The following PCDHGA12 variants were observed in gnomAD, a reference collection of about 807,000 sequenced individuals.
The protein encoded by PCDHGA12 is protocadherin gamma-A12.
A neutral mutation model predicts 61.1 loss-of-function variants in PCDHGA12; 43 were observed. That is an observed-to-expected ratio of 0.70 (90% CI 0.55 to 0.91). The LOEUF is 0.91. Ranked by LOEUF, PCDHGA12 falls within the 40% of genes least tolerant of loss-of-function variation. PCDHGA12 has a pLI of 0.00. For synonymous variants in PCDHGA12, 520 were observed against 542.9 expected, an observed-to-expected ratio of 0.96 and a Z score of 0.59; for missense variants, 1,236 against 1,227.7, an observed-to-expected ratio of 1.01 and a Z score of -0.10.
At chr5:141,484,061 G>A (rs570687480) in intron 1 of PCDHGA12, among the ~76,000 whole-genome samples, 8 of 152,124 alleles carry the variant, frequency 5.3e-5, no homozygotes, top group Non-Finnish European at 1.0e-4. Context: ...CTGGGGCTAA[G>A]TGAAAAGCTT....
chr5:141,511,485 C>T lies in PCDHGA12; in HGVS notation c.*312C>T, dbSNP rs1324849800. 1.8e-5 allele frequency: 8 copies of T among 453,300 alleles called. No individual in the cohort carries two copies. The highest frequency in any genetic ancestry group is 1.2e-4 in the African/African-American group (6 of 50,332). The allele number at this position is 453,300 out of a possible 1,614,324, so 28.1% of individuals were successfully genotyped here. A position where few individuals can be genotyped will look rare whatever the true frequency, so the allele number is the denominator to read the frequency against. On this transcript the variant is annotated 3_prime_UTR_variant, in exon 4 of 4. Coordinates refer to ENST00000252085, the MANE Select transcript of PCDHGA12 (RefSeq NM_003735.3). Reference sequence around the variant, plus strand: ...ACCCCGTTTAGTTACAGCTGAACTCCTCCATCTTCCAAATCAATCAGGCCC... The same window carrying T: ...ACCCCGTTTAGTTACAGCTGAACTCTTCCATCTTCCAAATCAATCAGGCCC...
At position 141,493,512 on chromosome 5, in the gene PCDHGA12, C is replaced by A. The variant is rs1327850681; in HGVS notation, c.2425-1295C>A. The stretch of plus-strand genomic sequence containing the variant: ...CTGTGGCTCCTCATTTCTGAGCAGT[C>A]CCCGCAGCGCAAACTTGGCCAGTTA... On this transcript the variant is annotated intron_variant, in intron 1 of 3. Transcript: ENST00000252085. The surrounding 1 kb of genome is among the most constrained non-coding windows in gnomAD (Gnocchi z 4.3). Among the ~76,000 whole-genome samples the A allele has an allele frequency of 1.3e-5, 2 of 152,148 alleles. No individual in the cohort carries two copies. Among genetic ancestry groups the A allele is most frequent in the South Asian group, 4.1e-4 (2 of 4,824 alleles).
chr5:141,474,551 C>G (rs1032524620), intron 1 of PCDHGA12, among the ~76,000 whole-genome samples: 35 of 152,312 alleles, frequency 2.3e-4, no homozygotes, highest in Non-Finnish European at 3.5e-4. Flanking sequence ...GCATTTAAAA[C>G]TGGGGGTTTT....
chr5:141,438,760 C>T (rs1346379482), intron 1 of PCDHGA12, among the ~76,000 whole-genome samples: 4 of 148,802 alleles, frequency 2.7e-5, no homozygotes, highest in South Asian at 2.1e-4. Context: ...CTCCTGGGTT[C>T]AAGCGATTCT....
chr5:141,433,671 A>G (rs1376085577), intron 1 of PCDHGA12, among the ~76,000 whole-genome samples: 12 of 152,058 alleles, frequency 7.9e-5, no homozygotes, highest in Admixed American at 7.2e-4. Flanking sequence ...CCCCGTCTAT[A>G]CTAAAAAAAT....
Position 141,491,507 on chromosome 5 carries a change from C to G in PCDHGA12, c.2425-3300C>G, listed in dbSNP as rs755899622. The stretch of plus-strand genomic sequence containing the variant: ...AACCTGCAGGTGAGCTCGGACGGCA[C>G]GCTCAAGTACATGGAGGTGACGCTG... On this transcript the variant is annotated intron_variant, in intron 1 of 3. Coordinates refer to ENST00000252085, the MANE Select transcript of PCDHGA12 (RefSeq NM_003735.3). This position sits in a 1 kb window ranked among gnomAD's most constrained non-coding sequence, Gnocchi z 6.9. 1.5e-5 allele frequency: 24 copies of G among 1,614,038 alleles called. No individual in the cohort carries two copies. The highest frequency in any genetic ancestry group is 2.0e-5 in the Non-Finnish European group (24 of 1,180,016).
At chr5:141,459,075 G>T (rs562572838) in intron 1 of PCDHGA12, among the ~76,000 whole-genome samples, 1 of 152,134 alleles carries the variant, frequency 6.6e-6, no homozygotes, top group Non-Finnish European at 1.5e-5. Context: ...CATAAAATTT[G>T]CCTTTTAAAA....
chr5:141,502,864 G>GGCTTTTTT (rs2099816401), intron 2 of PCDHGA12, among the ~76,000 whole-genome samples: 1 of 61,572 alleles, frequency 1.6e-5, no homozygotes, highest in Non-Finnish European at 3.0e-5. Flanking sequence ...CTGACTCTCT[G>GGCTTTTTT]TCTTTTTTTT....
At chr5:141,446,296 G>A (rs2098497546) in intron 1 of PCDHGA12, among the ~76,000 whole-genome samples, 1 of 152,160 alleles carries the variant, frequency 6.6e-6, no homozygotes, top group Non-Finnish European at 1.5e-5. Context: ...GGGGAGCAGG[G>A]ATTAAGAGTG....
In PCDHGA12 at chr5:141,491,759, G is replaced by C. The variant is rs746395685; in HGVS notation, c.2425-3048G>C. 3 of 1,575,392 alleles carry C rather than the reference G, an allele frequency of 1.9e-6. No individual in the cohort carries two copies. Among genetic ancestry groups the C allele is most frequent in the Non-Finnish European group, 2.6e-6 (3 of 1,161,808 alleles). ...GGGGGCGGCACTGGAGAAGCCGCCC[G>C]TCCTCATAAGGGATTGAACTTGCAT... On this transcript the variant is annotated intron_variant, in intron 1 of 3. Coordinates refer to ENST00000252085, the MANE Select transcript of PCDHGA12 (RefSeq NM_003735.3). The surrounding 1 kb of genome is among the most constrained non-coding windows in gnomAD (Gnocchi z 6.9).
Position 141,477,283 on chromosome 5 carries a change from C to T in PCDHGA12, c.2425-17524C>T, listed in dbSNP as rs766672047. The T allele has an allele frequency of 9.3e-6, 15 of 1,614,076 alleles. No homozygotes were observed. The highest frequency in any genetic ancestry group is 2.7e-5 in the African/African-American group (2 of 74,924). On this transcript the variant is annotated intron_variant, in intron 1 of 3. Coordinates refer to ENST00000252085, the MANE Select transcript of PCDHGA12 (RefSeq NM_003735.3). The surrounding 1 kb of genome is among the most constrained non-coding windows in gnomAD (Gnocchi z 4.9). ...CTGGCGAGAACGGGCTGGTGACCTG[C>T]GAAGTTCCACCGGGTCTCCCTTTCA... is the stretch of plus-strand genomic sequence containing the variant.
Position 141,491,466 on chromosome 5 carries a change from T to G in PCDHGA12, c.2425-3341T>G. The G allele has an allele frequency of 6.2e-7, 1 of 1,614,068 alleles. No individual in the cohort carries two copies. Among genetic ancestry groups the G allele is most frequent in the Non-Finnish European group, 8.5e-7 (1 of 1,179,986 alleles). ...AGGACTCACCCTCCCCGGACTTCTA[T>G]AAGCAGTCCAGCCCCAACCTGCAGG... On this transcript the variant is annotated intron_variant, in intron 1 of 3. Coordinates refer to ENST00000252085, the MANE Select transcript of PCDHGA12 (RefSeq NM_003735.3). This position sits in a 1 kb window ranked among gnomAD's most constrained non-coding sequence, Gnocchi z 6.9.
chr5:141,486,409 C>G lies in PCDHGA12; in HGVS notation c.2425-8398C>G, dbSNP rs1396288134. On this transcript the variant is annotated intron_variant, in intron 1 of 3. Coordinates refer to ENST00000252085, the MANE Select transcript of PCDHGA12 (RefSeq NM_003735.3). The surrounding 1 kb of genome is among the most constrained non-coding windows in gnomAD (Gnocchi z 5.0). Reference sequence around the variant, plus strand: ...AGTTCTCCCTGGTGACTGCTGGACCCTTGGATCGAGAGGCCAAATCTAGCT... The same window carrying G: ...AGTTCTCCCTGGTGACTGCTGGACCGTTGGATCGAGAGGCCAAATCTAGCT... 6.2e-7 allele frequency: 1 copy of G among 1,614,170 alleles called. No individual in the cohort carries two copies. Among genetic ancestry groups the G allele is most frequent in the East Asian group, 2.2e-5 (1 of 44,874 alleles).
Position 141,431,996 on chromosome 5 carries a change from G to A in PCDHGA12, c.1237G>A (p.Glu413Lys), listed in dbSNP as rs766891220. ...AGTCACAGACATAGTCTTGGATAGGGAACAGGTTCCTAGCTACAACATCAC... is the reference window on the plus strand; with the variant it reads ...AGTCACAGACATAGTCTTGGATAGGAAACAGGTTCCTAGCTACAACATCAC... ...SLVTDIVLDR[E>K]QVPSYNITVT... Residue 413 changes from glutamate (E) to lysine (K), a missense_variant, in exon 1 of 4, where the codon GAA becomes AAA. Glu to Lys is a moderately conservative substitution (Grantham distance 56). Transcript: ENST00000252085. The surrounding 1 kb of genome is among the most constrained non-coding windows in gnomAD (Gnocchi z 4.8). 1.9e-6 allele frequency: 3 copies of A among 1,614,192 alleles called. No homozygotes were observed. In the East Asian group the frequency reaches 6.7e-5, roughly 36 times the overall value.
chr5:141,498,725 A>AGT (rs2099785409), intron 2 of PCDHGA12, among the ~76,000 whole-genome samples: 1 of 152,150 alleles, frequency 6.6e-6, no homozygotes, highest in Non-Finnish European at 1.5e-5. Flanking sequence ...TGAGGTCAGG[A>AGT]GTTTGAGACC....
intron 1 of PCDHGA12, among the ~76,000 whole-genome samples, chr5:141,448,632 T>G (rs1383720361): frequency 1.3e-5 from 2 of 152,106 alleles, no homozygotes; most frequent in Admixed American, 1.3e-4. Context: ...TTCTTCACAT[T>G]ATATCCTTTA....
chr5:141,475,343 G>C (rs1425482944), intron 1 of PCDHGA12, among the ~76,000 whole-genome samples: 3 of 152,178 alleles, frequency 2.0e-5, no homozygotes, highest in Non-Finnish European at 2.9e-5. Context: ...ATGACATCCA[G>C]TTTTAAAAGA....
rs781580216 is a variant in PCDHGA12 at position 141,430,931 on chromosome 5, G to A, written c.172G>A (p.Glu58Lys). The part of the protein sequence containing the change: ...ISRDLGLEPR[E>K]LAERGVRIIP... The stretch of plus-strand genomic sequence containing the variant: ...CAGGGACCTGGGGCTGGAGCCCCGG[G>A]AGCTCGCGGAGCGCGGAGTCCGCAT... Residue 58 changes from glutamate to lysine, a missense_variant, in exon 1 of 4, where the codon GAG becomes AAG. By Grantham distance (56) the Glu-to-Lys change is moderately conservative. Coordinates refer to ENST00000252085, the MANE Select transcript of PCDHGA12 (RefSeq NM_003735.3). The A allele has an allele frequency of 1.5e-5, 24 of 1,607,530 alleles. No individual in the cohort carries two copies. In the East Asian group the frequency reaches 4.9e-4, roughly 33 times the overall value.
intron 1 of PCDHGA12, among the ~76,000 whole-genome samples, chr5:141,457,827 C>T (rs1300495115): frequency 2.0e-5 from 3 of 152,204 alleles, no homozygotes; most frequent in Admixed American, 6.5e-5. Context: ...AAACTCAGAG[C>T]TTCCAGACCT....
Sources: gnomAD v4.1 joint callset for allele counts (sites outside exome capture counted in the v4.1 genomes callset) on GRCh38, gnomAD v4.1.1 for gene constraint, Gnocchi (gnomAD v3.1) non-coding constraint, MANE v1.5 for transcripts, NCBI Gene and HGNC (gene_info 2026-07-23, HGNC 2026-07-21) for gene names.